Variants in NLK observed in about 807,000 individuals in gnomAD.
NLK encodes nemo like kinase.
Under a neutral mutation model 59.0 loss-of-function variants are expected in NLK, and 11 were observed. The ratio of observed to expected loss-of-function variants is 0.19; its 90% CI spans 0.12 to 0.31. The LOEUF is 0.31. Among genes scored for constraint, NLK ranks in the 10% least tolerant of loss-of-function variants. The pLI, the probability that NLK is intolerant of heterozygous loss-of-function variation, is 1.00. For missense variants in NLK, 410 were observed against 661.1 expected, an observed-to-expected ratio of 0.62 and a Z score of 4.16; for synonymous variants, 235 against 235.9, an observed-to-expected ratio of 1.00 and a Z score of 0.03.
intron 3 of NLK, among the ~76,000 whole-genome samples, chr17:28,137,894 A>C (rs1021357388): frequency 6.6e-6 from 1 of 152,024 alleles, no homozygotes; most frequent in Non-Finnish European, 1.5e-5. Context: ...TTTTGTCTTC[A>C]TAGTTTTTAA....
chr17:28,054,828 G>A (rs1308992614), intron 1 of NLK, among the ~76,000 whole-genome samples: 1 of 152,234 alleles, frequency 6.6e-6, no homozygotes, highest in Non-Finnish European at 1.5e-5. Context: ...CATTTGGGAG[G>A]CTGAGACCAG....
chr17:28,045,250 G>A (rs925152455), intron 1 of NLK, among the ~76,000 whole-genome samples: 1 of 152,168 alleles, frequency 6.6e-6, no homozygotes, highest in Non-Finnish European at 1.5e-5. Flanking sequence ...GACTACATTC[G>A]TAAGCCCCTT....
At chr17:28,175,430 G>A (rs1025082505) in intron 7 of NLK, among the ~76,000 whole-genome samples, 4 of 150,468 alleles carry the variant, frequency 2.7e-5, no homozygotes, top group South Asian at 4.2e-4. Context: ...CAGCCTGGGC[G>A]ACACAGCAAG....
intron 1 of NLK, among the ~76,000 whole-genome samples, chr17:28,083,203 T>C (rs1177318441): frequency 6.6e-6 from 1 of 152,194 alleles, no homozygotes; most frequent in Non-Finnish European, 1.5e-5. Context: ...AAATTCTGGG[T>C]ATCAGGATGG....
intron 8 of NLK, among the ~76,000 whole-genome samples, chr17:28,189,519 C>T (rs1460480392): frequency 6.6e-6 from 1 of 152,166 alleles, no homozygotes; most frequent in Non-Finnish European, 1.5e-5. Flanking sequence ...GGAATGATCA[C>T]TGTATGTAAC....
chr17:28,066,812 A>G (rs952140325), intron 1 of NLK, among the ~76,000 whole-genome samples: 6 of 152,178 alleles, frequency 3.9e-5, no homozygotes, highest in African/African-American at 1.4e-4. Flanking sequence ...TAGGTATGTA[A>G]TACTGTTTAT....
chr17:28,159,068 G>GGAC (rs1422953763), intron 3 of NLK, among the ~76,000 whole-genome samples: 1 of 152,132 alleles, frequency 6.6e-6, no homozygotes, highest in Non-Finnish European at 1.5e-5. Flanking sequence ...AAACCACAAA[G>GGAC]GACGTGAAAG....
intron 3 of NLK, among the ~76,000 whole-genome samples, chr17:28,150,323 G>A (rs1289132882): frequency 1.3e-5 from 2 of 152,230 alleles, no homozygotes; most frequent in Non-Finnish European, 2.9e-5. Flanking sequence ...TGCTTATGGT[G>A]GTGATATTTG....
chr17:28,200,331 A>G (rs953955297), downstream of NLK, among the ~76,000 whole-genome samples: 2 of 152,122 alleles, frequency 1.3e-5, no homozygotes, highest in Admixed American at 6.6e-5. Flanking sequence ...TAATTTTTGT[A>G]TAAGTTGTGA....
chr17:28,047,889 G>A (rs548799692), intron 1 of NLK: 1 of 398,164 alleles, frequency 2.5e-6, no homozygotes, highest in African/African-American at 2.1e-5. Context: ...ATACTAAAGG[G>A]TATTTTGTTA....
At chr17:28,051,277 ATTTGTTTG>A (rs566365199) in intron 1 of NLK, among the ~76,000 whole-genome samples, 224 of 151,488 alleles carry the variant, frequency 1.5e-3, no homozygotes, top group African/African-American at 3.5e-3. Flanking sequence ...TCCAAATCTC[ATTTGTTTG>A]TTTGTTTGTT....
chr17:28,097,042 A>T (rs1223905773), intron 1 of NLK, among the ~76,000 whole-genome samples: 1 of 152,152 alleles, frequency 6.6e-6, no homozygotes, highest in East Asian at 1.9e-4. Flanking sequence ...CTCTAGCCAG[A>T]CTTAATGAGA....
intron 4 of NLK, among the ~76,000 whole-genome samples, chr17:28,162,683 G>T (rs1304589881): frequency 6.6e-6 from 1 of 152,114 alleles, no homozygotes; most frequent in Non-Finnish European, 1.5e-5. Flanking sequence ...ATATTCTATG[G>T]TAGGGGAAAA....
intron 2 of NLK, among the ~76,000 whole-genome samples, chr17:28,127,866 A>G (rs2142825375): frequency 6.6e-6 from 1 of 152,320 alleles, no homozygotes; most frequent in South Asian, 2.1e-4. Context: ...ACTGAATCCC[A>G]GGAGCAACAG....
At chr17:28,119,301 T>TTA (rs1274169100) in intron 1 of NLK, among the ~76,000 whole-genome samples, 1 of 152,036 alleles carries the variant, frequency 6.6e-6, no homozygotes, top group Non-Finnish European at 1.5e-5. Flanking sequence ...TTCATTAGAG[T>TTA]TATATTGTTG....
At chr17:28,142,094 G>T (rs1186281771) in intron 3 of NLK, among the ~76,000 whole-genome samples, 1 of 152,168 alleles carries the variant, frequency 6.6e-6, no homozygotes, top group African/African-American at 2.4e-5. Flanking sequence ...TCTCTAGAAT[G>T]CTCTTCTTGT....
At chr17:28,095,357 T>G (rs1174452986) in intron 1 of NLK, among the ~76,000 whole-genome samples, 1 of 152,156 alleles carries the variant, frequency 6.6e-6, no homozygotes, top group Non-Finnish European at 1.5e-5. Context: ...ATGGCCATGT[T>G]ATCAGATTCG....
At position 28,163,525 on chromosome 17, in the gene NLK, A is replaced by T; in HGVS notation, c.752-18A>T. The T allele has an allele frequency of 6.8e-7, 1 of 1,465,876 alleles. No homozygotes were observed. Among genetic ancestry groups the T allele is most frequent in the South Asian group, 1.2e-5 (1 of 83,066 alleles). 90.8% of individuals were successfully genotyped at this position (1,465,876 alleles called of 1,614,324 possible). On this transcript the variant is annotated intron_variant, in intron 4 of 10. Transcript: ENST00000407008. Reference sequence around the variant, plus strand: ...AAAGGAATTAAATATCTGCAATTAAATCTGTTTGTTATTTCAGGTTTGAAA... The same window carrying T: ...AAAGGAATTAAATATCTGCAATTAATTCTGTTTGTTATTTCAGGTTTGAAA...
intron 5 of NLK, among the ~76,000 whole-genome samples, chr17:28,167,672 A>C (rs1314027487): frequency 6.6e-6 from 1 of 150,992 alleles, no homozygotes; most frequent in Non-Finnish European, 1.5e-5. Flanking sequence ...CAACATGGCA[A>C]AACCTCATCC....
Sources: allele counts gnomAD v4.1 joint callset (sites outside exome capture counted in the v4.1 genomes callset), GRCh38; gene constraint gnomAD v4.1.1; transcripts MANE v1.5; gene names NCBI Gene and HGNC (gene_info 2026-07-23, HGNC 2026-07-21).